Variants in PER3 observed in about 807,000 individuals in gnomAD.
PER3 encodes the protein period circadian protein homolog 3.
Under a neutral mutation model 127.2 loss-of-function variants are expected in PER3, and 107 were observed. That is an observed-to-expected ratio of 0.84 (90% CI 0.72 to 0.99). The LOEUF (loss-of-function observed/expected upper bound fraction) is 0.99. Ranked by LOEUF, PER3 falls within the 50% of genes least tolerant of loss-of-function variation. The probability of loss-of-function intolerance (pLI) is 0.00; values close to 1 mark genes in which losing one functional copy is unlikely to be tolerated. For missense variants in PER3, 1,560 were observed against 1,525.8 expected (o/e 1.02, Z -0.37); for synonymous variants, 618 against 585.8 (o/e 1.05, Z -0.79).
intron 13 of PER3, among the ~76,000 whole-genome samples, chr1:7,817,699 G>A (rs746869191): frequency 6.6e-6 from 1 of 152,150 alleles, no homozygotes; most frequent in African/African-American, 2.4e-5. Flanking sequence ...TTAATATACA[G>A]AGGGATGGAT....
chr1:7,816,626 T>G (rs542163273), intron 13 of PER3, among the ~76,000 whole-genome samples: 153 of 152,262 alleles, frequency 1.0e-3, no homozygotes, highest in African/African-American at 3.4e-3. Context: ...CCATATGAGA[T>G]AACACCACAC....
chr1:7,801,807 C>G (rs1183090376), intron 8 of PER3, among the ~76,000 whole-genome samples: 2 of 152,132 alleles, frequency 1.3e-5, no homozygotes, highest in African/African-American at 4.8e-5. Context: ...ATCAGTATCA[C>G]TACATCAGTA....
At chr1:7,838,918 G>T (rs1158188027) in intron 21 of PER3, among the ~76,000 whole-genome samples, 1 of 152,144 alleles carries the variant, frequency 6.6e-6, no homozygotes, top group Non-Finnish European at 1.5e-5. Flanking sequence ...TTTGATTGGA[G>T]AATTTAGCCC....
rs2151369677 is a variant in PER3 at position 7,844,345 on chromosome 1, T to G, written c.*1590T>G. ...AATAGCTCTCATAGTCTGCTCCATC[T>G]TGATAGTTAAGTGATTTCTGAAGCG... On this transcript the variant is annotated 3_prime_UTR_variant, in exon 22 of 22. Coordinates refer to ENST00000377532, the MANE Select transcript of PER3 (RefSeq NM_001377275.1). 6.5e-6 allele frequency: 1 copy of G among 153,560 alleles called. No individual in the cohort carries two copies. Among genetic ancestry groups the G allele is most frequent in the East Asian group, 1.9e-4 (1 of 5,340 alleles). 9.5% of individuals were successfully genotyped at this position (153,560 alleles called of 1,614,324 possible).
chr1:7,820,932 A>G (rs948088276), intron 16 of PER3, among the ~76,000 whole-genome samples: 2 of 152,178 alleles, frequency 1.3e-5, no homozygotes, highest in African/African-American at 4.8e-5. Flanking sequence ...AGTGTTAGCC[A>G]TTATTAATGC....
At chr1:7,834,131 A>G (rs228660) in intron 19 of PER3, among the ~76,000 whole-genome samples, 147,140 of 152,272 alleles carry the variant, frequency 0.97, 71,112 homozygotes, top group East Asian at 1. Context: ...TGTCAGCCAG[A>G]CTGAACTCAA....
At position 7,810,045 on chromosome 1, in the gene PER3, T is replaced by C. The variant is rs2097212487; in HGVS notation, c.1371+24T>C. 1.9e-6 allele frequency: 3 copies of C among 1,601,956 alleles called. No individual in the cohort carries two copies. In the East Asian group the frequency reaches 6.7e-5, roughly 36 times the overall value. On this transcript the variant is annotated intron_variant, in intron 12 of 21. Transcript: ENST00000377532. Reference sequence around the variant, plus strand: ...AGGTGCATGGGCTTATGTCACATTCTTATACAGGCATCGTGTTTTCTGTAC... The same window carrying C: ...AGGTGCATGGGCTTATGTCACATTCCTATACAGGCATCGTGTTTTCTGTAC...
At chr1:7,802,425 G>A (rs186508850) in intron 8 of PER3, among the ~76,000 whole-genome samples, 181 of 152,118 alleles carry the variant, frequency 1.2e-3, no homozygotes, top group African/African-American at 4.3e-3. Flanking sequence ...ACCACACCCG[G>A]CTAATTTTTT....
intron 6 of PER3, among the ~76,000 whole-genome samples, chr1:7,794,821 G>T (rs2097137827): frequency 6.6e-6 from 1 of 150,860 alleles, no homozygotes; most frequent in Admixed American, 6.6e-5. Flanking sequence ...TTCTAAATTT[G>T]CTGCAATATA....
At chr1:7,818,461 A>G (rs921783715) in intron 13 of PER3, among the ~76,000 whole-genome samples, 5 of 152,260 alleles carry the variant, frequency 3.3e-5, no homozygotes, top group Non-Finnish European at 4.4e-5. Context: ...TCAGTAGTAC[A>G]TGACATAATT....
At chr1:7,836,345 T>G (rs1039111709) in intron 20 of PER3, among the ~76,000 whole-genome samples, 14 of 152,034 alleles carry the variant, frequency 9.2e-5, no homozygotes, top group African/African-American at 3.1e-4. Flanking sequence ...ACCAAGCTAG[T>G]TTTTTGTATT....
At chr1:7,832,318 G>T (rs1212435573) in intron 19 of PER3, among the ~76,000 whole-genome samples, 3 of 143,486 alleles carry the variant, frequency 2.1e-5, no homozygotes, top group East Asian at 4.1e-4. Flanking sequence ...TCTCATTGGG[G>T]TTTTTTTTCC....
rs2097356007 is a variant in PER3 at position 7,835,917 on chromosome 1, A to G, written c.3370A>G (p.Ile1124Val). 3 of 1,609,942 alleles carry G rather than the reference A, an allele frequency of 1.9e-6. No individual in the cohort carries two copies. Among genetic ancestry groups the G allele is most frequent in the Non-Finnish European group, 2.6e-6 (3 of 1,176,332 alleles). The change falls in exon 20 of 22, where the codon ATT becomes GTT. Residue 1124 changes from isoleucine to valine, a missense_variant. Around this residue, in one of 3 missense-constraint regions of PER3, gnomAD observed 199 missense variants for 198.6 expected, o/e 1.00. Transcript: ENST00000377532. The part of the protein sequence containing the change: ...WRMIRQTPER[I>V]LMTYQVPERV... Reference sequence around the variant, plus strand: ...AATGATACGGCAGACACCTGAGCGCATTCTCATGACATACCAGGTACCTGA... The same window carrying G: ...AATGATACGGCAGACACCTGAGCGCGTTCTCATGACATACCAGGTACCTGA...
Position 7,788,263 on chromosome 1 carries a change from T to TG in PER3, c.592+17_592+18insG. On this transcript the variant is annotated intron_variant, in intron 5 of 21. Coordinates refer to ENST00000377532, the MANE Select transcript of PER3 (RefSeq NM_001377275.1). Reference sequence around the variant, plus strand: ...CCCAAAGAGGTAACAGGACCAATGTTCAGATGTCTATCTTTCCTCATCAAG... The same window carrying TG: ...CCCAAAGAGGTAACAGGACCAATGTTGCAGATGTCTATCTTTCCTCATCAAG... 4 of 1,542,528 alleles carry TG rather than the reference T, an allele frequency of 2.6e-6. No individual in the cohort carries two copies. Among genetic ancestry groups the TG allele is most frequent in the Non-Finnish European group, 3.6e-6 (4 of 1,114,706 alleles).
chr1:7,784,743 G>T lies in PER3; in HGVS notation c.-135G>T, dbSNP rs1353224550. 17 of 918,986 alleles carry T rather than the reference G, an allele frequency of 1.8e-5. No individual in the cohort carries two copies. In the African/African-American group the frequency reaches 2.5e-4, roughly 13 times the overall value. The allele number at this position is 918,986 out of a possible 1,614,324, so 56.9% of individuals were successfully genotyped here. A position where few individuals can be genotyped will look rare whatever the true frequency, so the allele number is the denominator to read the frequency against. On this transcript the variant is annotated 5_prime_UTR_variant, in exon 2 of 22. Coordinates refer to ENST00000377532, the MANE Select transcript of PER3 (RefSeq NM_001377275.1). Reference sequence around the variant, plus strand: ...AGATGAGCGTGACCCCCTGGCTCGTGGTGGCCGCCTGTTCTCACTAACGCC... The same window carrying T: ...AGATGAGCGTGACCCCCTGGCTCGTTGTGGCCGCCTGTTCTCACTAACGCC...
chr1:7,833,267 G>A (rs536216348), intron 19 of PER3, among the ~76,000 whole-genome samples: 16 of 152,134 alleles, frequency 1.1e-4, no homozygotes, highest in Non-Finnish European at 2.2e-4. Flanking sequence ...CATGTGTTCT[G>A]TAAATGTAAA....
chr1:7,826,628 C>T lies in PER3; in HGVS notation c.2106C>T (p.Phe702=). The T allele has an allele frequency of 6.2e-7, 1 of 1,613,542 alleles. No homozygotes were observed. Among genetic ancestry groups the T allele is most frequent in the Non-Finnish European group, 8.5e-7 (1 of 1,179,542 alleles). ...AAGAGCAGAATTATGTTGATAAATT[C>T]CGAGAAAAGATCCTGTCATCACCCT... ...QKEEQNYVDK[F]REKILSSPYS... is the part of the protein sequence containing the mutation. The change falls in exon 17 of 22, where the codon TTC becomes TTT. Residue 702 remains phenylalanine (F), a synonymous_variant. Transcript: ENST00000377532. This position sits in a 1 kb window ranked among gnomAD's most constrained non-coding sequence, Gnocchi z 4.2.
Position 7,803,856 on chromosome 1 carries a change from A to C in PER3, c.1136+8A>C, listed in dbSNP as rs749767313. The C allele has an allele frequency of 6.2e-6, 10 of 1,607,592 alleles. No individual in the cohort carries two copies. The South Asian group carries it at 1.1e-4, about 18-fold the overall frequency. The stretch of plus-strand genomic sequence containing the variant: ...TCGGCATAAAGTTCGAACGTAAGCC[A>C]GTCAGTTTTCATATTTTCTAAAACA... On this transcript the variant is annotated splice_region_variant and intron_variant, in intron 10 of 21. Transcript: ENST00000377532.
At chr1:7,810,807 A>C (rs2097216152) in intron 13 of PER3, 2 of 373,128 alleles carry the variant, frequency 5.4e-6, no homozygotes, top group Non-Finnish European at 9.6e-6. Flanking sequence ...TGTATTTGTA[A>C]CAGTTGCAGT....
Sources: gnomAD v4.1 joint callset for allele counts (sites outside exome capture counted in the v4.1 genomes callset) on GRCh38, gnomAD v4.1.1 for gene constraint, gnomAD v4.1.1 regional missense constraint, Gnocchi (gnomAD v3.1) non-coding constraint, MANE v1.5 for transcripts, NCBI Gene and HGNC (gene_info 2026-07-23, HGNC 2026-07-21) for gene names.